Variants in FRMD4A observed in about 807,000 individuals in gnomAD.
The protein encoded by FRMD4A is FERM domain containing 4A.
Under a neutral mutation model 129.1 loss-of-function variants are expected in FRMD4A, and 29 were observed. The ratio of observed to expected loss-of-function variants is 0.22; its 90% confidence interval spans 0.17 to 0.31. The LOEUF is 0.31. Among genes scored for constraint, FRMD4A ranks in the 10% least tolerant of loss-of-function variants. The probability of loss-of-function intolerance (pLI) is 1.00; values close to 1 mark genes in which losing one functional copy is unlikely to be tolerated. For missense variants in FRMD4A, 1,272 were observed against 1,375.8 expected, an observed-to-expected ratio of 0.92 and a Z score of 1.19; for synonymous variants, 634 against 571.6, an observed-to-expected ratio of 1.11 and a Z score of -1.56.
chr10:14,313,778 A>G (rs1846639928), intron 2 of FRMD4A, among the ~76,000 whole-genome samples: 1 of 152,240 alleles, frequency 6.6e-6, no homozygotes, highest in Admixed American at 6.5e-5. Context: ...GTAACAAATA[A>G]AAGAAAGCAT....
chr10:13,991,021 C>T (rs962892456), intron 2 of FRMD4A, among the ~76,000 whole-genome samples: 14 of 152,160 alleles, frequency 9.2e-5, no homozygotes, highest in Non-Finnish European at 1.9e-4. Context: ...GCCAGAATCC[C>T]TAATGGAATT....
intron 3 of FRMD4A, among the ~76,000 whole-genome samples, chr10:13,814,580 CAAAAAAAAAA>C (rs553044764): frequency 9.7e-5 from 4 of 41,392 alleles, no homozygotes; most frequent in South Asian, 1.2e-3. Context: ...GACCCTGTTT[CAAAAAAAAAA>C]AAAAAAAAAA....
At chr10:13,891,881 G>A (rs2094702505) in intron 2 of FRMD4A, 4 of 318,898 alleles carry the variant, frequency 1.3e-5, no homozygotes, top group East Asian at 1.8e-4. Context: ...CCCGCCCCTC[G>A]CCCGCGCCCG....
intron 5 of FRMD4A, among the ~76,000 whole-genome samples, chr10:13,794,391 C>CAAAAA (rs5783349): frequency 2.3e-4 from 24 of 102,920 alleles, no homozygotes; most frequent in African/African-American, 7.2e-4. Context: ...GAATCCGTCT[C>CAAAAA]AAAAAAAAAA....
intron 5 of FRMD4A, among the ~76,000 whole-genome samples, chr10:13,795,309 A>C (rs914667120): frequency 6.6e-6 from 1 of 152,234 alleles, no homozygotes; most frequent in African/African-American, 2.4e-5. Context: ...AATCATCCCC[A>C]TCAGTAATGG....
chr10:14,194,575 C>T (rs1396727862), intron 2 of FRMD4A, among the ~76,000 whole-genome samples: 4 of 152,120 alleles, frequency 2.6e-5, no homozygotes, highest in Admixed American at 6.5e-5. Context: ...CGCACCACTG[C>T]ACTCTCGCCT....
chr10:13,933,966 A>G (rs775852959), intron 2 of FRMD4A, among the ~76,000 whole-genome samples: 5 of 152,242 alleles, frequency 3.3e-5, no homozygotes, highest in African/African-American at 4.8e-5. Flanking sequence ...TGACAGCTCT[A>G]TAACTATTAT....
chr10:14,321,840 C>T (rs1359863058), intron 2 of FRMD4A, among the ~76,000 whole-genome samples: 1 of 152,080 alleles, frequency 6.6e-6, no homozygotes, highest in African/African-American at 2.4e-5. Context: ...GGGGAAGGGG[C>T]CTGGTGGGAG....
rs925677980 is a variant in FRMD4A at position 14,252,214 on chromosome 10, A to G, written c.45+77844T>C. ...GGTTGATTTAAAGTAAAATGTATCCATAAATACTCCAGTGTGTCTTTCCAA... is the reference window on the plus strand; with the variant it reads ...GGTTGATTTAAAGTAAAATGTATCCGTAAATACTCCAGTGTGTCTTTCCAA... On this transcript the variant is annotated intron_variant, in intron 2 of 24. Coordinates refer to ENST00000357447, the MANE Select transcript of FRMD4A (RefSeq NM_018027.5). 4.9e-4 allele frequency among the ~76,000 whole-genome samples: 75 copies of G among 152,312 alleles called. 1 individual carries two copies. The Middle Eastern group carries it at 0.014, about 28-fold the overall frequency.
intron 3 of FRMD4A, among the ~76,000 whole-genome samples, chr10:13,844,910 A>AACTTGTGGCAATT (rs2094020990): frequency 1.3e-5 from 2 of 152,204 alleles, no homozygotes; most frequent in Admixed American, 1.3e-4. Flanking sequence ...TTAGTACATG[A>AACTTGTGGCAATT]ACTTGTGGCA....
chr10:13,933,890 A>G (rs1227592746), intron 2 of FRMD4A, among the ~76,000 whole-genome samples: 1 of 152,216 alleles, frequency 6.6e-6, no homozygotes, highest in East Asian at 1.9e-4. Context: ...TCTATGACCC[A>G]TCAGGGAAGC....
At chr10:14,068,230 G>A (rs1835154213) in intron 2 of FRMD4A, among the ~76,000 whole-genome samples, 1 of 152,176 alleles carries the variant, frequency 6.6e-6, no homozygotes, top group African/African-American at 2.4e-5. Context: ...TGGGGCAGAG[G>A]CTCAGCTGGT....
intron 2 of FRMD4A, among the ~76,000 whole-genome samples, chr10:14,184,290 A>C (rs1589138506): frequency 1.0e-5 from 1 of 98,376 alleles, no homozygotes; most frequent in Non-Finnish European, 2.2e-5. Context: ...TACCACCACA[A>C]CCGGTTAATT....
chr10:14,026,595 C>G (rs1832997027), intron 2 of FRMD4A, among the ~76,000 whole-genome samples: 1 of 152,214 alleles, frequency 6.6e-6, no homozygotes, highest in African/African-American at 2.4e-5. Context: ...CAAGAATGCA[C>G]AGAAAATCTA....
intron 2 of FRMD4A, among the ~76,000 whole-genome samples, chr10:13,938,786 T>C (rs751345547): frequency 2.6e-5 from 4 of 152,124 alleles, no homozygotes; most frequent in African/African-American, 4.8e-5. Flanking sequence ...CCAGCATCAG[T>C]TGGTAGAGGC....
chr10:14,073,128 G>C lies in FRMD4A; in HGVS notation c.46-214216C>G, dbSNP rs550323986. On this transcript the variant is annotated intron_variant, in intron 2 of 24. Transcript: ENST00000357447. ...CCTTACCAGCTGTCCAGGAAACCCA[G>C]GGTACCTCCATCTCTCAGCTCAGAG... Among the ~76,000 whole-genome samples, 81 of 152,346 alleles carry C rather than the reference G, an allele frequency of 5.3e-4. 2 individuals are homozygous for C. The South Asian group carries it at 0.016, about 31-fold the overall frequency.
At chr10:14,233,604 T>C (rs2025791) in intron 2 of FRMD4A, among the ~76,000 whole-genome samples, 141,650 of 152,252 alleles carry the variant, frequency 0.93, 66,328 homozygotes, top group East Asian at 1. Context: ...TCATCCTGAG[T>C]GCTTTTGTGG....
At chr10:13,958,281 GTTT>G (rs35369777) in intron 2 of FRMD4A, among the ~76,000 whole-genome samples, 2 of 104,628 alleles carry the variant, frequency 1.9e-5, no homozygotes. Context: ...CATGACCATT[GTTT>G]TTTTTTTTTT....
At chr10:14,072,301 T>A (rs1381463803) in intron 2 of FRMD4A, among the ~76,000 whole-genome samples, 6 of 152,190 alleles carry the variant, frequency 3.9e-5, no homozygotes, top group Non-Finnish European at 7.3e-5. Context: ...TTCTTACTTC[T>A]CTAGATAATA....
Sources: gnomAD v4.1 joint callset for allele counts (sites outside exome capture counted in the v4.1 genomes callset) on GRCh38, gnomAD v4.1.1 for gene constraint, MANE v1.5 for transcripts, NCBI Gene and HGNC (gene_info 2026-07-23, HGNC 2026-07-21) for gene names.